MCM8: variants seen among roughly 807,000 people sequenced by gnomAD.
MCM8 encodes minichromosome maintenance 8 homologous recombination repair factor.
In MCM8, 85 loss-of-function variants were observed where a neutral mutation model predicts 98.9. The ratio of observed to expected loss-of-function variants is 0.86; its 90% CI spans 0.72 to 1.03. The LOEUF (loss-of-function observed/expected upper bound fraction) is 1.03, where lower values mean the gene tolerates loss of function less well. Among genes scored for constraint, MCM8 ranks in the 50% least tolerant of loss-of-function variants. The pLI, the probability that MCM8 is intolerant of heterozygous loss-of-function variation, is 0.00. For missense variants in MCM8, 951 were observed against 997.8 expected, an observed-to-expected ratio of 0.95 and a Z score of 0.63; for synonymous variants, 352 against 338.6, an observed-to-expected ratio of 1.04 and a Z score of -0.44.
chr20:5,967,139 A>G (rs533888967), intron 8 of MCM8, among the ~76,000 whole-genome samples: 1 of 152,222 alleles, frequency 6.6e-6, no homozygotes, highest in East Asian at 1.9e-4. Context: ...ATACTTTACC[A>G]TTTGCTGGTT....
chr20:5,981,863 A>G (rs1436666795), intron 13 of MCM8, among the ~76,000 whole-genome samples: 1 of 152,220 alleles, frequency 6.6e-6, no homozygotes, highest in Non-Finnish European at 1.5e-5. Flanking sequence ...TATGAGAGAC[A>G]AATTGATGAC....
intron 18 of MCM8, chr20:5,994,063 G>T: frequency 2.9e-6 from 1 of 343,904 alleles, no homozygotes. Flanking sequence ...ATTTTTTTCA[G>T]CTAACCTAAA....
At chr20:5,988,554 GT>G (rs1051934526) in intron 17 of MCM8, among the ~76,000 whole-genome samples, 1 of 151,870 alleles carries the variant, frequency 6.6e-6, no homozygotes, top group Non-Finnish European at 1.5e-5. Flanking sequence ...ATTATTAGCA[GT>G]TTTTTGTGTG....
intron 10 of MCM8, among the ~76,000 whole-genome samples, chr20:5,971,038 T>A (rs1056387103): frequency 2.2e-4 from 34 of 152,228 alleles, no homozygotes; most frequent in African/African-American, 7.7e-4. Flanking sequence ...AGTTTTGAAC[T>A]TTTGGGCTGA....
intron 17 of MCM8, among the ~76,000 whole-genome samples, chr20:5,989,809 G>GA (rs2089810469): frequency 6.6e-6 from 1 of 152,116 alleles, no homozygotes; most frequent in African/African-American, 2.4e-5. Flanking sequence ...CCTGCCCTTA[G>GA]AGGGAGTCCA....
In MCM8 at chr20:5,952,292, C is replaced by T. The variant is rs2088851725; in HGVS notation, c.148+129C>T. The T allele has an allele frequency of 1.9e-6, 3 of 1,553,590 alleles. No individual in the cohort carries two copies. In the East Asian group the frequency reaches 6.8e-5, roughly 35 times the overall value. ...TGCTACTCCTTAGTAAGTATTTGAACATTGATGTCCCAGATTTTTACTAAA... is the reference window on the plus strand; with the variant it reads ...TGCTACTCCTTAGTAAGTATTTGAATATTGATGTCCCAGATTTTTACTAAA... On this transcript the variant is annotated intron_variant, in intron 2 of 18. Transcript: ENST00000610722.
intron 17 of MCM8, 48 bp downstream of exon 17, chr20:5,987,406 C>G (rs751097682): frequency 1.7e-5 from 25 of 1,497,578 alleles, no homozygotes; most frequent in Non-Finnish European, 2.3e-5. Context: ...CAGTTATCTT[C>G]CCATCTCAAA....
intron 7 of MCM8, 27 bp downstream of exon 7, chr20:5,958,753 A>C: frequency 6.3e-7 from 1 of 1,597,420 alleles, no homozygotes; most frequent in Non-Finnish European, 8.6e-7. Context: ...CTGCTTCTTT[A>C]TTTATCTTGG....
intron 11 of MCM8, 124 bp downstream of exon 11, chr20:5,972,161 A>C (rs2122741094): frequency 1.7e-6 from 1 of 595,248 alleles, no homozygotes; most frequent in South Asian, 2.4e-5. Flanking sequence ...ATGCTTTGTA[A>C]ATTAATGATA....
chr20:5,991,922 T>A (rs1179390254), intron 17 of MCM8, among the ~76,000 whole-genome samples: 1 of 152,218 alleles, frequency 6.6e-6, no homozygotes, highest in African/African-American at 2.4e-5. Flanking sequence ...TTTAAACCTT[T>A]TAAGATTACA....
In MCM8 at chr20:5,983,174, C is replaced by T. The variant is rs768038759; in HGVS notation, c.1733+9C>T. 2 of 1,603,566 alleles carry T rather than the reference C, an allele frequency of 1.2e-6. No individual in the cohort carries two copies. Among genetic ancestry groups the T allele is most frequent in the African/African-American group, 1.3e-5 (1 of 74,602 alleles). On this transcript the variant is annotated intron_variant, in intron 14 of 18. Coordinates refer to ENST00000610722, the MANE Select transcript of MCM8 (RefSeq NM_032485.6). ...GTTTCTGAGAATTTAAAGTAAGTCTCTTCAAATATTTATACCTTTAATGTA... is the reference window on the plus strand; with the variant it reads ...GTTTCTGAGAATTTAAAGTAAGTCTTTTCAAATATTTATACCTTTAATGTA...
chr20:5,967,970 C>G lies in MCM8; in HGVS notation c.1168C>G (p.Leu390Val). Residue 390 changes from leucine to valine, a missense_variant, in exon 10 of 19, where the codon CTT becomes GTT. Physicochemically the swap from Leu to Val is conservative, Grantham distance 32 (BLOSUM62 1). Transcript: ENST00000610722. ...GMLMEFSLKD[L>V]YAIQEIQAEE... ...GTTGATGGAGTTCTCACTTAAAGAC[C>G]TTTATGCCATCCAAGAGATTCAAGC... 1.2e-6 allele frequency: 2 copies of G among 1,613,840 alleles called. No individual in the cohort carries two copies. The highest frequency in any genetic ancestry group is 1.7e-4 in the Middle Eastern group (1 of 6,058).
chr20:5,967,631 C>G, intron 9 of MCM8, 44 bp downstream of exon 9: 1 of 1,552,542 alleles, frequency 6.4e-7, no homozygotes. Context: ...AATAATGATT[C>G]ATCAACGTTC....
intron 13 of MCM8, among the ~76,000 whole-genome samples, chr20:5,980,998 G>T (rs747891824): frequency 1.3e-5 from 2 of 152,076 alleles, no homozygotes; most frequent in African/African-American, 2.4e-5. Flanking sequence ...AGCTAAAACT[G>T]GCTTATATAT....
chr20:5,965,198 G>A (rs2089248064), intron 8 of MCM8: 1 of 152,048 alleles, frequency 6.6e-6, no homozygotes, highest in Non-Finnish European at 1.5e-5. Flanking sequence ...GGCATTCCCC[G>A]GGATAAATAA....
At chr20:5,952,678 C>A (rs1413835215) in intron 3 of MCM8, 150 bp downstream of exon 3, 2 of 698,286 alleles carry the variant, frequency 2.9e-6, no homozygotes, top group Admixed American at 3.0e-5. Flanking sequence ...GTTTATGTTT[C>A]AAAAGCATTT....
rs1347259425 is a variant in MCM8, at chr20:5,950,732, G to C, written c.-297G>C. 1 of 236,046 alleles carries C rather than the reference G, an allele frequency of 4.2e-6. No homozygotes were observed. The highest frequency in any genetic ancestry group is 1.4e-3 in the Middle Eastern group (1 of 708). 14.6% of individuals were successfully genotyped at this position (236,046 alleles called of 1,614,324 possible). A position where few individuals can be genotyped will look rare whatever the true frequency, so the allele number is the denominator to read the frequency against. On this transcript the variant is annotated 5_prime_UTR_variant, in exon 1 of 19. Coordinates refer to ENST00000610722, the MANE Select transcript of MCM8 (RefSeq NM_032485.6). ...GATTTTCGCTTGAGGCATTTTTGCG[G>C]CGCTGTGCGCTACAGACACCTTCTG... is the stretch of plus-strand genomic sequence containing the variant.
At chr20:5,985,794 C>T in intron 15 of MCM8, 128 bp from the exon 16 acceptor site, 2 of 832,158 alleles carry the variant, frequency 2.4e-6, no homozygotes, top group Admixed American at 2.3e-5. Context: ...GATGTGTCCT[C>T]CTTGGCCTCC....
intron 12 of MCM8, among the ~76,000 whole-genome samples, chr20:5,975,497 CTTTT>C (rs11476043): frequency 5.4e-5 from 7 of 128,942 alleles, no homozygotes; most frequent in African/African-American, 9.6e-5. Context: ...TTTTTTTGCT[CTTTT>C]TTTTTTTTTT....
Sources: gnomAD v4.1 joint callset for allele counts (sites outside exome capture counted in the v4.1 genomes callset) on GRCh38, gnomAD v4.1.1 for gene constraint, MANE v1.5 for transcripts, NCBI Gene and HGNC (gene_info 2026-07-23, HGNC 2026-07-21) for gene names.